GRIK4: variants seen among roughly 807,000 people sequenced by gnomAD.
The protein encoded by GRIK4 is glutamate receptor ionotropic, kainate 4.
Under a neutral mutation model 104.9 loss-of-function variants are expected in GRIK4, and 40 were observed. The ratio of observed to expected loss-of-function variants is 0.38; its 90% confidence interval spans 0.30 to 0.50. GRIK4 has a LOEUF of 0.50. Among genes scored for constraint, GRIK4 ranks in the 20% least tolerant of loss-of-function variants. The pLI, the probability that GRIK4 is intolerant of heterozygous loss-of-function variation, is 0.93. For missense variants in GRIK4, 1,047 were observed against 1,308.1 expected, an observed-to-expected ratio of 0.80 and a Z score of 3.08; for synonymous variants, 485 against 524.9, an observed-to-expected ratio of 0.92 and a Z score of 1.04.
intron 1 of GRIK4, among the ~76,000 whole-genome samples, chr11:120,625,375 G>C (rs1949245143): frequency 1.3e-5 from 2 of 152,170 alleles, no homozygotes; most frequent in African/African-American, 4.8e-5. Flanking sequence ...CGGCCGGAAA[G>C]GGGACACAGA....
chr11:120,572,638 C>T (rs927049523), intron 1 of GRIK4, among the ~76,000 whole-genome samples: 2 of 152,118 alleles, frequency 1.3e-5, no homozygotes, highest in Admixed American at 6.5e-5. Flanking sequence ...GGAAGTTTTC[C>T]AGGTAGAGTG....
intron 1 of GRIK4, among the ~76,000 whole-genome samples, chr11:120,647,603 A>G (rs576682775): frequency 6.6e-6 from 1 of 152,310 alleles, no homozygotes; most frequent in African/African-American, 2.4e-5. Context: ...TTTCCCCAGC[A>G]CTTACCTGGA....
At chr11:120,948,381 G>A (rs1319520523) in intron 14 of GRIK4, among the ~76,000 whole-genome samples, 1 of 152,176 alleles carries the variant, frequency 6.6e-6, no homozygotes, top group Non-Finnish European at 1.5e-5. Flanking sequence ...TTTGTGTAGG[G>A]AAATGGTGAC....
At chr11:120,520,401 A>G (rs1336415610) in intron 1 of GRIK4, among the ~76,000 whole-genome samples, 5 of 152,212 alleles carry the variant, frequency 3.3e-5, no homozygotes, top group African/African-American at 7.2e-5. Flanking sequence ...GGTCACTGGC[A>G]GTATTGGGGA....
chr11:120,540,448 C>T (rs1489501873), intron 1 of GRIK4, among the ~76,000 whole-genome samples: 2 of 151,898 alleles, frequency 1.3e-5, no homozygotes, highest in East Asian at 1.9e-4. Context: ...TGGCAAAACC[C>T]TGTCTGTACT....
At chr11:120,623,931 T>C in intron 1 of GRIK4, among the ~76,000 whole-genome samples, 1 of 148,928 alleles carries the variant, frequency 6.7e-6, no homozygotes, top group South Asian at 2.2e-4. Flanking sequence ...CCGTTCCTCC[T>C]CCTCCTCCTC....
chr11:120,865,288 G>A (rs1336865599), intron 9 of GRIK4, among the ~76,000 whole-genome samples: 1 of 152,232 alleles, frequency 6.6e-6, no homozygotes, highest in East Asian at 1.9e-4. Context: ...ATATCAGGTA[G>A]CTTTTGCTAT....
At chr11:120,523,882 C>T (rs1289165481) in intron 1 of GRIK4, among the ~76,000 whole-genome samples, 1 of 150,920 alleles carries the variant, frequency 6.6e-6, no homozygotes, top group African/African-American at 2.4e-5. Flanking sequence ...TGTCTCCCCA[C>T]AAGGCACGGG....
At chr11:120,829,593 A>T (rs1953368630) in intron 6 of GRIK4, among the ~76,000 whole-genome samples, 1 of 152,120 alleles carries the variant, frequency 6.6e-6, no homozygotes, top group South Asian at 2.1e-4. Context: ...CTGACTCTTC[A>T]TCTGCCTCAC....
chr11:120,742,605 C>CA (rs2135410867), intron 3 of GRIK4, among the ~76,000 whole-genome samples: 1 of 151,378 alleles, frequency 6.6e-6, no homozygotes, highest in South Asian at 2.1e-4. Flanking sequence ...ATTAAAAAGT[C>CA]AAAAAATAGC....
chr11:120,585,725 GTT>G (rs5795236), intron 1 of GRIK4, among the ~76,000 whole-genome samples: 1 of 141,962 alleles, frequency 7.0e-6, no homozygotes, highest in Admixed American at 6.9e-5. Flanking sequence ...TTTTGTTTTT[GTT>G]TTTTTTTTTT....
chr11:120,631,742 T>A (rs1312293393), intron 1 of GRIK4, among the ~76,000 whole-genome samples: 1 of 152,218 alleles, frequency 6.6e-6, no homozygotes, highest in Non-Finnish European at 1.5e-5. Flanking sequence ...CCTCATGGGC[T>A]TGTCTCTCCA....
Position 120,831,963 on chromosome 11 carries a change from G to A in GRIK4, c.623G>A (p.Arg208Gln), listed in dbSNP as rs1328954378. Reference sequence around the variant, plus strand: ...CCCACCCCGCTCCTCAAGGAGATCCGGGACGACAAGACCGCCACCATCATC... The same window carrying A: ...CCCACCCCGCTCCTCAAGGAGATCCAGGACGACAAGACCGCCACCATCATC... Reference protein sequence around the residue: ...RDPTPLLKEIRDDKTATIIIH... With the variant: ...RDPTPLLKEIQDDKTATIIIH... The change falls in exon 7 of 21, where the codon CGG becomes CAG. Residue 208 changes from arginine to glutamine, a missense_variant. Around this residue, in one of 3 missense-constraint regions of GRIK4, gnomAD observed 447 missense variants for 514.9 expected, o/e 0.87. Transcript: ENST00000527524. 2.5e-6 allele frequency: 4 copies of A among 1,613,894 alleles called. No homozygotes were observed. Among genetic ancestry groups the A allele is most frequent in the Admixed American group, 1.7e-5 (1 of 60,006 alleles).
chr11:120,815,067 TC>T (rs1195817729), intron 4 of GRIK4, among the ~76,000 whole-genome samples: 9 of 152,232 alleles, frequency 5.9e-5, no homozygotes, highest in Non-Finnish European at 1.2e-4. Flanking sequence ...GCAGGTTTGT[TC>T]CATTAGCCTC....
intron 3 of GRIK4, among the ~76,000 whole-genome samples, chr11:120,704,897 A>T (rs75764292): frequency 0.057 from 8,695 of 152,290 alleles, 376 homozygotes; most frequent in African/African-American, 0.11. Context: ...GTACTTTACA[A>T]AAACAGGTGG....
At chr11:120,569,001 C>A (rs1948364746) in intron 1 of GRIK4, among the ~76,000 whole-genome samples, 1 of 152,206 alleles carries the variant, frequency 6.6e-6, no homozygotes. Flanking sequence ...TCAAGTGATT[C>A]ATCTACAATC....
chr11:120,701,677 T>A (rs1302056338), intron 3 of GRIK4, among the ~76,000 whole-genome samples: 3 of 152,216 alleles, frequency 2.0e-5, no homozygotes, highest in Admixed American at 2.0e-4. Context: ...TATTTTTAAT[T>A]TCTTTAGGAA....
intron 3 of GRIK4, among the ~76,000 whole-genome samples, chr11:120,729,776 A>G (rs118018760): frequency 0.035 from 5,328 of 151,890 alleles, 124 homozygotes; most frequent in East Asian, 0.093. Context: ...TGTGATCCTT[A>G]TTTGTCAATT....
Position 120,549,595 on chromosome 11 carries a change from C to A in GRIK4, c.-159+37708C>A, listed in dbSNP as rs1040075632. On this transcript the variant is annotated intron_variant, in intron 1 of 20. Transcript: ENST00000527524. The surrounding 1 kb of genome is among the most constrained non-coding windows in gnomAD (Gnocchi z 4.7). ...GAGGGGCACAGCAGGCACCCCCTCC[C>A]GGAGCCTGGCTAGGGCGTGTGCAAC... 6.6e-6 allele frequency among the ~76,000 whole-genome samples: 1 copy of A among 152,188 alleles called. No homozygotes were observed. The highest frequency in any genetic ancestry group is 1.5e-5 in the Non-Finnish European group (1 of 68,036).
Sources: allele counts gnomAD v4.1 joint callset (sites outside exome capture counted in the v4.1 genomes callset), GRCh38; gene constraint gnomAD v4.1.1; regional missense constraint gnomAD v4.1.1; non-coding constraint Gnocchi (gnomAD v3.1); transcripts MANE v1.5; gene names NCBI Gene and HGNC (gene_info 2026-07-23, HGNC 2026-07-21).